ADSS1: variants seen among roughly 807,000 people sequenced by gnomAD.
The protein encoded by ADSS1 is adenylosuccinate synthase 1, also known as adenylosuccinate synthetase isozyme 1.
In ADSS1, 57 loss-of-function variants were observed where a neutral mutation model predicts 59.1. The ratio of observed to expected loss-of-function variants is 0.97; its 90% CI spans 0.78 to 1.20. ADSS1 has a LOEUF of 1.20. Among genes scored for constraint, ADSS1 ranks in the 50% most tolerant of loss-of-function variants. The pLI is 0.00. For synonymous variants in ADSS1, 247 were observed against 249.4 expected, an observed-to-expected ratio of 0.99 and a Z score of 0.09; for missense variants, 603 against 610.3, an observed-to-expected ratio of 0.99 and a Z score of 0.13.
rs1270453598 is a variant in ADSS1, at chr14:104,746,177, C to T, written c.1172-59C>T. On this transcript the variant is annotated intron_variant, in intron 11 of 12. Transcript: ENST00000330877. The stretch of plus-strand genomic sequence containing the variant: ...GGGGGTGGCCGTGTCACCAAATATC[C>T]GCTTCCCTGGTGATAGGAGGTCTGT... 6.5e-6 allele frequency: 10 copies of T among 1,541,924 alleles called. No individual in the cohort carries two copies. In the Admixed American group the frequency reaches 7.4e-5, roughly 11 times the overall value.
rs200306980 is a variant in ADSS1, at chr14:104,740,927, T to C, written c.666+7T>C. 3.0e-5 allele frequency: 49 copies of C among 1,613,778 alleles called. No individual in the cohort carries two copies. The Middle Eastern group carries it at 4.9e-4, about 16-fold the overall frequency. The stretch of plus-strand genomic sequence containing the variant: ...CCAACTCAAAAGGCTCAAGGTGAAG[T>C]CGGGGCCGCAGTGTGGGGGCTGCGG... On this transcript the variant is annotated splice_region_variant and intron_variant, in intron 7 of 12. Transcript: ENST00000330877. This position sits in a 1 kb window ranked among gnomAD's most constrained non-coding sequence, Gnocchi z 4.8.
Position 104,747,054 on chromosome 14 carries a change from A to G in ADSS1, c.*51A>G, listed in dbSNP as rs373666822. 1 of 1,545,646 alleles carries G rather than the reference A, an allele frequency of 6.5e-7. No homozygotes were observed. Among genetic ancestry groups the G allele is most frequent in the Non-Finnish European group, 8.9e-7 (1 of 1,125,976 alleles). On this transcript the variant is annotated 3_prime_UTR_variant, in exon 13 of 13. Transcript: ENST00000330877. The stretch of plus-strand genomic sequence containing the variant: ...GCCCTGGCAGCGTCTGGACTTGTGT[A>G]AACAGCAGCAGTCACGTTCCTCGGC...
In ADSS1 at chr14:104,743,054, T is replaced by C. The variant is rs1279389644; in HGVS notation, c.949-13T>C. 5 of 1,612,498 alleles carry C rather than the reference T, an allele frequency of 3.1e-6. No individual in the cohort carries two copies. The South Asian group carries it at 3.3e-5, about 11-fold the overall frequency. ...ACGACAGCTCACATGACGTCCTCCC[T>C]GTTCTCATGTAGGAGATTGGAGGCC... On this transcript the variant is annotated splice_polypyrimidine_tract_variant and intron_variant, in intron 9 of 12. Coordinates refer to ENST00000330877, the MANE Select transcript of ADSS1 (RefSeq NM_152328.5).
intron 5 of ADSS1, among the ~76,000 whole-genome samples, 166 bp downstream of exon 5, chr14:104,739,982 C>G (rs569975694): frequency 6.6e-6 from 1 of 152,124 alleles, no homozygotes; most frequent in Non-Finnish European, 1.5e-5. Context: ...ACCCAACCCC[C>G]GGACGAGCCA....
intron 12 of ADSS1, among the ~76,000 whole-genome samples, 161 bp downstream of exon 12, chr14:104,746,546 G>T (rs1004406747): frequency 3.3e-5 from 5 of 152,232 alleles, no homozygotes; most frequent in African/African-American, 1.2e-4. Flanking sequence ...CTGGGGCAGT[G>T]TGGCTCCGGG....
At chr14:104,736,310 C>T (rs1030487793) in intron 2 of ADSS1, among the ~76,000 whole-genome samples, 1 of 152,206 alleles carries the variant, frequency 6.6e-6, no homozygotes, top group African/African-American at 2.4e-5. Context: ...CTGGCCGCTC[C>T]GGGTTGTGCT....
chr14:104,730,583 T>C (rs1391899873), intron 1 of ADSS1, among the ~76,000 whole-genome samples: 1 of 151,728 alleles, frequency 6.6e-6, no homozygotes, highest in Non-Finnish European at 1.5e-5. Flanking sequence ...TGGAGAGAGG[T>C]GTAGAGAGAT....
At chr14:104,746,711 A>G (rs1891573478) in intron 12 of ADSS1, among the ~76,000 whole-genome samples, 1 of 152,200 alleles carries the variant, frequency 6.6e-6, no homozygotes. Flanking sequence ...GAGAGTCACT[A>G]AGTAACTAAC....
In ADSS1 at chr14:104,743,211, A is replaced by G; in HGVS notation, c.1073+20A>G. ...CACTGCGTAAGCAACCCATGCTGCC[A>G]TCCCCACTGGGACCGTCCCTGACTC... On this transcript the variant is annotated intron_variant, in intron 10 of 12. Transcript: ENST00000330877. 6.2e-7 allele frequency: 1 copy of G among 1,607,390 alleles called. No homozygotes were observed. The highest frequency in any genetic ancestry group is 8.5e-7 in the Non-Finnish European group (1 of 1,179,370).
chr14:104,724,584 G>A, intron 1 of ADSS1, 122 bp downstream of exon 1: 2 of 1,210,972 alleles, frequency 1.7e-6, no homozygotes, highest in Non-Finnish European at 2.1e-6. Context: ...CCTTCCTTCC[G>A]GGAGCACCTT....
chr14:104,744,523 C>T (rs1007752596), intron 10 of ADSS1: 1 of 320,022 alleles, frequency 3.1e-6, no homozygotes, highest in Admixed American at 4.7e-5. Context: ...TCGATTCTCA[C>T]AAGGAGCATG....
At chr14:104,737,117 C>T (rs1271584798) in intron 2 of ADSS1, 2 of 151,910 alleles carry the variant, frequency 1.3e-5, no homozygotes, top group Non-Finnish European at 2.9e-5. Flanking sequence ...ACATAGTCAC[C>T]TCTGGGTTCA....
intron 12 of ADSS1, 124 bp from the exon 13 acceptor site, chr14:104,746,827 C>A: frequency 1.0e-6 from 1 of 991,230 alleles, no homozygotes; most frequent in Non-Finnish European, 1.6e-6. Flanking sequence ...GAACTGCCTC[C>A]ATTTGGAGAG....
chr14:104,734,978 C>A, intron 1 of ADSS1, 42 bp from the exon 2 acceptor site: 1 of 1,573,124 alleles, frequency 6.4e-7, no homozygotes. Context: ...GGGGGGTCCT[C>A]AGTACCCAAG....
At chr14:104,730,985 G>A (rs1413628101) in intron 1 of ADSS1, among the ~76,000 whole-genome samples, 4 of 113,056 alleles carry the variant, frequency 3.5e-5, no homozygotes, top group Admixed American at 2.0e-4. Context: ...CTCAGTGTCC[G>A]TGGGGGCTCA....
chr14:104,742,957 C>T lies in ADSS1; in HGVS notation c.949-110C>T, dbSNP rs878944816. 50 of 1,499,712 alleles carry T rather than the reference C, an allele frequency of 3.3e-5. No individual in the cohort carries two copies. The South Asian group carries it at 5.4e-4, about 16-fold the overall frequency. The allele number at this position is 1,499,712 out of a possible 1,614,324, so 92.9% of individuals were successfully genotyped here. A position where few individuals can be genotyped will look rare whatever the true frequency, so the allele number is the denominator to read the frequency against. On this transcript the variant is annotated intron_variant, in intron 9 of 12. Transcript: ENST00000330877. ...GTAAGGACTGTCGGTGGAGGCGGGG[C>T]ACCCTCAGGGATTCTGAGAGCTGTG... is the stretch of plus-strand genomic sequence containing the variant.
In ADSS1 at chr14:104,740,346, C is replaced by A. The variant is rs1473282795; in HGVS notation, c.477-255C>A. 6.6e-6 allele frequency among the ~76,000 whole-genome samples: 1 copy of A among 151,998 alleles called. No individual in the cohort carries two copies. The highest frequency in any genetic ancestry group is 2.4e-5 in the African/African-American group (1 of 41,338). ...CACGCCACACAAGCCCACACACCCA[C>A]GCAAATGCACAAAAGTACACACAGC... On this transcript the variant is annotated intron_variant, in intron 5 of 12. Coordinates refer to ENST00000330877, the MANE Select transcript of ADSS1 (RefSeq NM_152328.5). The surrounding 1 kb of genome is among the most constrained non-coding windows in gnomAD (Gnocchi z 4.8).
In ADSS1 at chr14:104,739,935, C is replaced by G; in HGVS notation, c.476+119C>G. The G allele has an allele frequency of 9.2e-6, 10 of 1,084,240 alleles. 1 individual carries two copies. The highest frequency in any genetic ancestry group is 4.3e-4 in the Middle Eastern group (2 of 4,704). 67.2% of individuals were successfully genotyped at this position (1,084,240 alleles called of 1,614,324 possible). A position where few individuals can be genotyped will look rare whatever the true frequency, so the allele number is the denominator to read the frequency against. Reference sequence around the variant, plus strand: ...AGGGTACCTCAACCCACTCAAAGCCCCTGGAGAATGGCACCGTCAAAATTC... The same window carrying G: ...AGGGTACCTCAACCCACTCAAAGCCGCTGGAGAATGGCACCGTCAAAATTC... On this transcript the variant is annotated intron_variant, in intron 5 of 12. Transcript: ENST00000330877.
rs988677925 is a variant in ADSS1 at position 104,745,095 on chromosome 14, C to T, written c.1171+186C>T. On this transcript the variant is annotated intron_variant, in intron 11 of 12. Transcript: ENST00000330877. ...TCACGGGTTTCTCCCCACAGCGTTC[C>T]CCAGGAGGCCTGGCTGGGCAGGGGT... is the stretch of plus-strand genomic sequence containing the variant. The T allele has an allele frequency of 1.6e-5, 9 of 571,204 alleles. No homozygotes were observed. The African/African-American group carries it at 1.7e-4, about 11-fold the overall frequency. 35.4% of individuals were successfully genotyped at this position (571,204 alleles called of 1,614,324 possible). A position where few individuals can be genotyped will look rare whatever the true frequency, so the allele number is the denominator to read the frequency against.
Sources: allele counts gnomAD v4.1 joint callset (sites outside exome capture counted in the v4.1 genomes callset), GRCh38; gene constraint gnomAD v4.1.1; non-coding constraint Gnocchi (gnomAD v3.1); transcripts MANE v1.5; gene names NCBI Gene and HGNC (gene_info 2026-07-23, HGNC 2026-07-21).